DMD: variants seen among roughly 807,000 people sequenced by gnomAD.
DMD encodes dystrophin.
Under a neutral mutation model 330.1 loss-of-function variants are expected in DMD, and 63 were observed. That is an observed-to-expected ratio of 0.19 (90% CI 0.16 to 0.24). The LOEUF (loss-of-function observed/expected upper bound fraction) is 0.24. DMD is among the 10% of genes least tolerant of loss of function. The pLI is 1.00. For synonymous variants in DMD, 1,223 were observed against 959.8 expected, an observed-to-expected ratio of 1.27 and a Z score of -5.07; for missense variants, 3,344 against 2,684.1, an observed-to-expected ratio of 1.25 and a Z score of -5.43.
intron 45 of DMD, among the ~76,000 whole-genome samples, chrX:31,940,137 A>T (rs923718700): frequency 8.9e-6 from 1 of 111,812 alleles, no homozygotes; most frequent in African/African-American, 3.3e-5. Context: ...ATTGTGATAC[A>T]GTAAGTGTTA....
chrX:33,262,653 C>T (rs758210384), intron 1 of DMD, among the ~76,000 whole-genome samples: 3 of 110,592 alleles, frequency 2.7e-5, no homozygotes, highest in African/African-American at 9.8e-5. Flanking sequence ...ATACTAATCT[C>T]GATGCAAAAC....
chrX:31,122,842 G>A (rs780942029), intron 78 of DMD, among the ~76,000 whole-genome samples: 14 of 111,757 alleles, frequency 1.3e-4, no homozygotes, highest in Non-Finnish European at 2.6e-4. Context: ...TGGGTACTTC[G>A]TAGCAAAATT....
intron 2 of DMD, among the ~76,000 whole-genome samples, chrX:32,922,932 T>A (rs1569542739): frequency 8.9e-6 from 1 of 112,391 alleles, no homozygotes; most frequent in Non-Finnish European, 1.9e-5. Flanking sequence ...TTTTAAAAAG[T>A]TTTCCCTTAT....
chrX:32,846,096 T>C (rs994802101), intron 3 of DMD, among the ~76,000 whole-genome samples: 3 of 111,771 alleles, frequency 2.7e-5, no homozygotes, highest in Non-Finnish European at 5.6e-5. Context: ...AGATTGGTGC[T>C]TGTCACATAG....
At chrX:31,266,977 C>A (rs1006574024) in intron 62 of DMD, 1 of 949,429 alleles carries the variant, frequency 1.1e-6, no homozygotes, top group Non-Finnish European at 1.4e-6. Flanking sequence ...GCGGGCGGGC[C>A]GGGGAGGGGG....
intron 1 of DMD, among the ~76,000 whole-genome samples, chrX:33,333,003 C>A (rs1291633290): frequency 9.1e-6 from 1 of 110,346 alleles, no homozygotes; most frequent in Non-Finnish European, 1.9e-5. Context: ...ATATTCTTAC[C>A]CTTGGAATCA....
At chrX:32,223,241 C>A (rs760809812) in intron 43 of DMD, among the ~76,000 whole-genome samples, 3 of 111,772 alleles carry the variant, frequency 2.7e-5, no homozygotes, top group Non-Finnish European at 5.6e-5. Context: ...GGCCTTCCTG[C>A]TGTATCTTCA....
At chrX:32,035,442 G>T (rs1347795321) in intron 44 of DMD, 3 of 161,223 alleles carry the variant, frequency 1.9e-5, no homozygotes, top group Non-Finnish European at 3.6e-5. Context: ...TTGAGTACCT[G>T]CTGTGTGTTA....
chrX:33,064,819 G>A (rs1384125942), intron 1 of DMD, among the ~76,000 whole-genome samples: 1 of 111,217 alleles, frequency 9.0e-6, no homozygotes, highest in Non-Finnish European at 1.9e-5. Flanking sequence ...AACTTCAGAG[G>A]CGGAGGTTGC....
chrX:33,319,074 C>A (rs1370576886), intron 1 of DMD, among the ~76,000 whole-genome samples: 1 of 109,190 alleles, frequency 9.2e-6, no homozygotes, highest in African/African-American at 3.3e-5. Context: ...GCCTCTTCAT[C>A]ATATAAGGAC....
intron 13 of DMD, among the ~76,000 whole-genome samples, chrX:32,587,292 A>C (rs1240585051): frequency 1.8e-5 from 2 of 111,474 alleles, no homozygotes; most frequent in Non-Finnish European, 1.9e-5. Context: ...TTCCCTTTGT[A>C]ACCTGTGTGA....
chrX:33,029,253 A>G (rs777158222), intron 1 of DMD, among the ~76,000 whole-genome samples: 16 of 112,023 alleles, frequency 1.4e-4, no homozygotes, highest in Non-Finnish European at 2.4e-4. Flanking sequence ...CCCAAAATTT[A>G]GCCTTGGAAC....
At chrX:32,939,546 C>A (rs1393267838) in intron 2 of DMD, among the ~76,000 whole-genome samples, 1 of 111,222 alleles carries the variant, frequency 9.0e-6, no homozygotes, top group Non-Finnish European at 1.9e-5. Context: ...AAATAAAAAC[C>A]ATTAAGTTCA....
At chrX:31,908,743 A>G (rs1183325385) in intron 47 of DMD, among the ~76,000 whole-genome samples, 4 of 110,376 alleles carry the variant, frequency 3.6e-5, no homozygotes, top group Non-Finnish European at 5.7e-5. Flanking sequence ...TACTTATATG[A>G]AAGATGTAGG....
intron 59 of DMD, among the ~76,000 whole-genome samples, chrX:31,460,945 T>C (rs1013664331): frequency 9.0e-6 from 1 of 111,654 alleles, no homozygotes; most frequent in African/African-American, 3.3e-5. Context: ...GTTGGTCATC[T>C]GAAGCAACCC....
intron 44 of DMD, among the ~76,000 whole-genome samples, chrX:32,204,219 G>C (rs758307179): frequency 8.9e-6 from 1 of 111,829 alleles, no homozygotes; most frequent in African/African-American, 3.2e-5. Flanking sequence ...TTGAATCCCA[G>C]ATTCTTCATT....
chrX:32,660,103 C>A (rs2060847649), intron 9 of DMD, among the ~76,000 whole-genome samples: 1 of 111,259 alleles, frequency 9.0e-6, no homozygotes, highest in Admixed American at 9.6e-5. Context: ...CCATAGACAA[C>A]TAAAGCTTTT....
Position 32,343,191 on chromosome X carries a change from A to C in DMD, c.5682T>G (p.Asp1894Glu), listed in dbSNP as rs779574344. 1.2e-5 allele frequency: 15 copies of C among 1,208,311 alleles called. No individual in the cohort carries two copies. In the Admixed American group the frequency reaches 3.1e-4, roughly 25 times the overall value. Reference protein sequence around the residue: ...RQADDLLKCLDDIEKKLASLP... With the variant: ...RQADDLLKCLEDIEKKLASLP... ...GGCTGGCTAATTTTTTTTCAATGTC[A>C]TCCAAGCATTTCAGGAGATCATCAG... The change falls in exon 40 of 79, where the codon GAT becomes GAG. Residue 1894 changes from aspartate (D) to glutamate (E), a missense_variant. By Grantham distance (45) the Asp-to-Glu change is conservative. Coordinates refer to ENST00000357033, the MANE Select transcript of DMD (RefSeq NM_004006.3).
At chrX:31,718,981 G>C (rs2085270821) in intron 52 of DMD, among the ~76,000 whole-genome samples, 1 of 111,755 alleles carries the variant, frequency 8.9e-6, no homozygotes, top group African/African-American at 3.3e-5. Context: ...GGCAGAGCCA[G>C]TGCTTGGACC....
Sources: gnomAD v4.1 joint callset for allele counts (sites outside exome capture counted in the v4.1 genomes callset) on GRCh38, gnomAD v4.1.1 for gene constraint, MANE v1.5 for transcripts, NCBI Gene and HGNC (gene_info 2026-07-23, HGNC 2026-07-21) for gene names.